COPZ2: variants seen among roughly 807,000 people sequenced by gnomAD.
The protein encoded by COPZ2 is coat protein complex I subunit zeta 2.
A neutral mutation model predicts 33.2 loss-of-function variants in COPZ2; 30 were observed. That is an observed-to-expected ratio of 0.90 (90% CI 0.68 to 1.23). COPZ2 has a LOEUF of 1.23. COPZ2 is among the 50% of genes most tolerant of loss of function. The pLI, the probability that COPZ2 is intolerant of heterozygous loss-of-function variation, is 0.00. For missense variants in COPZ2, 263 were observed against 262.4 expected, an observed-to-expected ratio of 1.00 and a Z score of -0.02; for synonymous variants, 89 against 102.6, an observed-to-expected ratio of 0.87 and a Z score of 0.80.
chr17:48,043,372 C>T, the COPZ2 span, among the ~76,000 whole-genome samples: 1 of 150,374 alleles, frequency 6.7e-6, no homozygotes, highest in Non-Finnish European at 1.5e-5. Context: ...CATTTCTGTG[C>T]TGTCTGTCCT....
chr17:48,033,072 C>T, intron 4 of COPZ2, 139 bp downstream of exon 4: 1 of 636,338 alleles, frequency 1.6e-6, no homozygotes, highest in Admixed American at 2.6e-5. Context: ...ACCCTTCTGG[C>T]TGCCCTCCTC....
At chr17:48,029,383 G>A (rs2036860043) in intron 6 of COPZ2, 2 of 629,692 alleles carry the variant, frequency 3.2e-6, no homozygotes, top group Non-Finnish European at 2.8e-6. Context: ...TCAACCCAGT[G>A]GTCCACATGC....
intron 3 of COPZ2, 100 bp from the exon 4 acceptor site, chr17:48,033,402 C>G: frequency 2.7e-6 from 2 of 734,192 alleles, no homozygotes; most frequent in Non-Finnish European, 2.4e-6. Flanking sequence ...TTTCCTTCTC[C>G]CCTTTCTGGA....
intron 6 of COPZ2, among the ~76,000 whole-genome samples, chr17:48,031,033 G>C (rs1446858418): frequency 6.6e-6 from 1 of 152,190 alleles, no homozygotes; most frequent in Non-Finnish European, 1.5e-5. Flanking sequence ...CATGGTTTTA[G>C]ATCTTGGCCC....
At chr17:48,034,233 T>C (rs1176599460) in intron 2 of COPZ2, among the ~76,000 whole-genome samples, 1 of 152,202 alleles carries the variant, frequency 6.6e-6, no homozygotes, top group Non-Finnish European at 1.5e-5. Context: ...CTCAGCCTCC[T>C]GAGTAGCTGG....
intron 5 of COPZ2, 43 bp from the exon 6 acceptor site, chr17:48,032,276 G>C: frequency 6.5e-7 from 1 of 1,548,648 alleles, no homozygotes; most frequent in Non-Finnish European, 8.8e-7. Flanking sequence ...GTGGCTGGGA[G>C]GAACTGAGTC....
chr17:48,036,731 C>T, intron 2 of COPZ2, 120 bp downstream of exon 2: 1 of 838,368 alleles, frequency 1.2e-6, no homozygotes, highest in Non-Finnish European at 2.0e-6. Context: ...ATGAGAAGGA[C>T]CTCTGGAGGG....
intron 2 of COPZ2, among the ~76,000 whole-genome samples, chr17:48,036,635 G>A (rs1335573017): frequency 6.6e-6 from 1 of 152,220 alleles, no homozygotes; most frequent in Non-Finnish European, 1.5e-5. Flanking sequence ...CCAGTAGCAG[G>A]ATGATAAGGA....
the COPZ2 span, chr17:48,046,142 G>A: frequency 6.6e-6 from 1 of 152,200 alleles, no homozygotes; most frequent in Non-Finnish European, 1.5e-5. Flanking sequence ...AAATGGCTAA[G>A]CAGGAAACTC....
intron 6 of COPZ2, among the ~76,000 whole-genome samples, chr17:48,030,079 T>G (rs569631883): frequency 6.6e-6 from 1 of 151,342 alleles, no homozygotes; most frequent in South Asian, 2.1e-4. Context: ...AGGTGAAGAG[T>G]TCGAGACCAG....
In COPZ2 at chr17:48,028,359, C is replaced by A; in HGVS notation, c.585+113G>T. ...TGCCTCATCCCTTCCCTTCTCACCC[C>A]TGATTTTTCAGACTTGATAACTTCA... is the stretch of plus-strand genomic sequence containing the variant. On this transcript the variant is annotated intron_variant, in intron 8 of 8. Transcript: ENST00000621465. The surrounding 1 kb of genome is among the most constrained non-coding windows in gnomAD (Gnocchi z 4.5). 8.9e-7 allele frequency: 1 copy of A among 1,120,740 alleles called. No individual in the cohort carries two copies. The allele number at this position is 1,120,740 out of a possible 1,614,324, so 69.4% of individuals were successfully genotyped here.
Position 48,032,249 on chromosome 17 carries a change from A to G in COPZ2, c.417-16T>C. On this transcript the variant is annotated splice_polypyrimidine_tract_variant and intron_variant, in intron 5 of 8. Transcript: ENST00000621465. ...CACGTTCTTCCTGAAGGTGGACACA[A>G]GCTCCTGAGCCTCCCTGTGGCTGGG... is the stretch of plus-strand genomic sequence containing the variant. 1 of 1,607,450 alleles carries G rather than the reference A, an allele frequency of 6.2e-7. No individual in the cohort carries two copies. The highest frequency in any genetic ancestry group is 1.3e-5 in the African/African-American group (1 of 74,882).
chr17:48,043,628 T>TA, the COPZ2 span: 3 of 925,544 alleles, frequency 3.2e-6, no homozygotes, highest in Non-Finnish European at 2.6e-6. Context: ...TTCTCTGAGA[T>TA]AAAGTTGTAG....
chr17:48,033,985 C>T (rs1222735071), intron 2 of COPZ2, 41 bp from the exon 3 acceptor site: 1 of 1,394,012 alleles, frequency 7.2e-7, no homozygotes, highest in African/African-American at 1.4e-5. Flanking sequence ...GCTTTCCACA[C>T]AGCCTGGATC....
At chr17:48,027,943 G>T (rs761246547) in intron 8 of COPZ2, among the ~76,000 whole-genome samples, 1 of 152,196 alleles carries the variant, frequency 6.6e-6, no homozygotes, top group Non-Finnish European at 1.5e-5. Context: ...GGTTGTGGCA[G>T]GTTCTTCCAT....
chr17:48,026,623 A>T, intron 8 of COPZ2, 148 bp from the exon 9 acceptor site: 1 of 631,744 alleles, frequency 1.6e-6, no homozygotes, highest in Non-Finnish European at 2.8e-6. Context: ...ACTTGGCTTA[A>T]ACGCGGCCAA....
At chr17:48,041,172 A>C (rs4794401), upstream of COPZ2, among the ~76,000 whole-genome samples, 1 of 146,376 alleles carries the variant, frequency 6.8e-6, no homozygotes. Context: ...AAAAAAGACA[A>C]CATATTTTAT....
chr17:48,044,244 G>C, the COPZ2 span, among the ~76,000 whole-genome samples: 1 of 152,076 alleles, frequency 6.6e-6, no homozygotes, highest in Non-Finnish European at 1.5e-5. Context: ...CCACTCAGGA[G>C]GCTGAAGCAG....
chr17:48,029,040 T>G, intron 7 of COPZ2, 85 bp downstream of exon 7: 1 of 1,294,400 alleles, frequency 7.7e-7, no homozygotes, highest in Non-Finnish European at 1.1e-6. Flanking sequence ...AGCTTGGGCT[T>G]CTACCATCTA....
Sources: gnomAD v4.1 joint callset for allele counts (sites outside exome capture counted in the v4.1 genomes callset) on GRCh38, gnomAD v4.1.1 for gene constraint, Gnocchi (gnomAD v3.1) non-coding constraint, MANE v1.5 for transcripts, NCBI Gene and HGNC (gene_info 2026-07-23, HGNC 2026-07-21) for gene names.